Variants in HTR7 observed in about 807,000 individuals in gnomAD.
HTR7 encodes the protein 5-HT-7.
Under a neutral mutation model 34.0 loss-of-function variants are expected in HTR7, and 16 were observed. The ratio of observed to expected loss-of-function variants is 0.47; its 90% CI spans 0.32 to 0.71. HTR7 has a LOEUF of 0.71. HTR7 is among the 30% of genes least tolerant of loss of function. The pLI is 0.04. For missense variants in HTR7, 504 were observed against 625.5 expected (o/e 0.81, Z 2.07); for synonymous variants, 265 against 260.2 (o/e 1.02, Z -0.18).
intron 1 of HTR7, among the ~76,000 whole-genome samples, chr10:90,767,498 A>T: frequency 6.6e-6 from 1 of 152,164 alleles, no homozygotes; most frequent in South Asian, 2.1e-4. Flanking sequence ...ATAATCTCCC[A>T]ATGAGCTGTG....
chr10:90,798,980 G>A (rs531919616), intron 1 of HTR7, among the ~76,000 whole-genome samples: 38 of 152,274 alleles, frequency 2.5e-4, no homozygotes, highest in African/African-American at 9.1e-4. Flanking sequence ...TCATGTAGCT[G>A]GAAGCTACAA....
At chr10:90,744,641 T>C (rs1278941903) in intron 2 of HTR7, among the ~76,000 whole-genome samples, 2 of 151,984 alleles carry the variant, frequency 1.3e-5, no homozygotes, top group South Asian at 2.1e-4. Flanking sequence ...CCCTGGCCTC[T>C]ACCCAGTAGA....
At chr10:90,787,209 G>A (rs779089696) in intron 1 of HTR7, among the ~76,000 whole-genome samples, 2 of 152,146 alleles carry the variant, frequency 1.3e-5, no homozygotes, top group Admixed American at 6.5e-5. Context: ...AAGACAAACC[G>A]CTGGGCACAG....
intron 1 of HTR7, among the ~76,000 whole-genome samples, chr10:90,755,750 A>G (rs1177888466): frequency 6.6e-6 from 1 of 152,218 alleles, no homozygotes; most frequent in African/African-American, 2.4e-5. Context: ...ATATGAAACA[A>G]TTGTGATTCT....
intron 1 of HTR7, among the ~76,000 whole-genome samples, chr10:90,809,525 A>G (rs1451850022): frequency 6.6e-6 from 1 of 152,182 alleles, no homozygotes; most frequent in East Asian, 1.9e-4. Context: ...CAAACCCCAC[A>G]ACGGGATTAA....
rs1239866420 is a variant in HTR7 at position 90,857,608 on chromosome 10, G to A, written c.64C>T (p.Pro22Ser). 1.3e-6 allele frequency: 2 copies of A among 1,599,686 alleles called. No individual in the cohort carries two copies. The highest frequency in any genetic ancestry group is 3.4e-5 in the Admixed American group (2 of 58,626). Residue 22 changes from proline (P) to serine (S), a missense_variant, in exon 1 of 4, where the codon CCA (proline) becomes TCA (serine). Coordinates refer to ENST00000336152, the MANE Select transcript of HTR7 (RefSeq NM_019859.4). The surrounding 1 kb of genome is among the most constrained non-coding windows in gnomAD (Gnocchi z 6.5). ...TCGGGCAGCCCGCGCCCCACTTCTG[G>A]CAGAAGGAAAGAGCGGAGGTGCCCG... The part of the protein sequence containing the change: ...LYGHLRSFLL[P>S]EVGRGLPDLS...
rs181552006 is a variant in HTR7, at chr10:90,767,588, G to A, written c.540-17994C>T. Among the ~76,000 whole-genome samples the A allele has an allele frequency of 7.2e-5, 11 of 152,170 alleles. No individual in the cohort carries two copies. The East Asian group carries it at 2.1e-3, about 30-fold the overall frequency. On this transcript the variant is annotated intron_variant, in intron 1 of 3. Coordinates refer to ENST00000336152, the MANE Select transcript of HTR7 (RefSeq NM_019859.4). ...TTCTCCTTCTCTTTATTCTGGGCTG[G>A]CCTTGTGACTTGTTTTTACCAACAG...
chr10:90,830,131 CCCA>C (rs1370632689), intron 1 of HTR7, among the ~76,000 whole-genome samples: 1 of 152,146 alleles, frequency 6.6e-6, no homozygotes, highest in Non-Finnish European at 1.5e-5. Flanking sequence ...TGCCAGTATA[CCCA>C]CCAATAGCGA....
intron 1 of HTR7, among the ~76,000 whole-genome samples, chr10:90,759,945 G>T (rs1180962673): frequency 6.6e-6 from 1 of 152,116 alleles, no homozygotes; most frequent in African/African-American, 2.4e-5. Context: ...CCAACCTCCT[G>T]ATGGCTTTCA....
chr10:90,809,655 C>T lies in HTR7; in HGVS notation c.539+47478G>A, dbSNP rs189201803. 9.8e-5 allele frequency among the ~76,000 whole-genome samples: 15 copies of T among 152,330 alleles called. No individual in the cohort carries two copies. In the East Asian group the frequency reaches 1.7e-3, roughly 18 times the overall value. Reference sequence around the variant, plus strand: ...GAACTTCCAAATGCCTGAACCGCAGCGGCCAGGCGTTCCTCCAGAACCTCC... The same window carrying T: ...GAACTTCCAAATGCCTGAACCGCAGTGGCCAGGCGTTCCTCCAGAACCTCC... On this transcript the variant is annotated intron_variant, in intron 1 of 3. Transcript: ENST00000336152.
At chr10:90,855,336 A>G (rs1460198226) in intron 1 of HTR7, among the ~76,000 whole-genome samples, 3 of 152,254 alleles carry the variant, frequency 2.0e-5, no homozygotes, top group Admixed American at 6.5e-5. Context: ...TAGCTCATGT[A>G]TAGGAATCAC....
chr10:90,839,259 T>C (rs982850043), intron 1 of HTR7, among the ~76,000 whole-genome samples: 1 of 152,248 alleles, frequency 6.6e-6, no homozygotes, highest in African/African-American at 2.4e-5. Context: ...CTACTGAAAA[T>C]AGCAGAGACT....
At chr10:90,795,139 A>G (rs1476772740) in intron 1 of HTR7, among the ~76,000 whole-genome samples, 2 of 152,210 alleles carry the variant, frequency 1.3e-5, no homozygotes, top group Non-Finnish European at 2.9e-5. Flanking sequence ...ATATCTCATC[A>G]ACATACTGAT....
intron 1 of HTR7, among the ~76,000 whole-genome samples, chr10:90,832,186 C>G (rs1382105321): frequency 6.6e-6 from 1 of 152,196 alleles, no homozygotes; most frequent in East Asian, 1.9e-4. Context: ...CACTCCTCAG[C>G]CCTTGGGTGG....
rs560471803 is a variant in HTR7, at chr10:90,822,147, T to C, written c.539+34986A>G. Among the ~76,000 whole-genome samples the C allele has an allele frequency of 3.9e-5, 6 of 152,224 alleles. No homozygotes were observed. The South Asian group carries it at 1.2e-3, about 32-fold the overall frequency. On this transcript the variant is annotated intron_variant, in intron 1 of 3. Coordinates refer to ENST00000336152, the MANE Select transcript of HTR7 (RefSeq NM_019859.4). ...GGTAATAGGCAGAGTTTAGAACAGT[T>C]TGAAGGGATCAGAAGAAGACAGAAA...
At chr10:90,810,270 C>T (rs1845784273) in intron 1 of HTR7, among the ~76,000 whole-genome samples, 1 of 152,126 alleles carries the variant, frequency 6.6e-6, no homozygotes. Flanking sequence ...TCCCCCACTT[C>T]AAAGCCTCCT....
intron 1 of HTR7, among the ~76,000 whole-genome samples, chr10:90,838,140 C>T (rs955961834): frequency 6.6e-6 from 1 of 152,176 alleles, no homozygotes; most frequent in African/African-American, 2.4e-5. Context: ...GTCCTGACTT[C>T]TCTCTGGAAT....
At chr10:90,744,478 C>T (rs911810035) in intron 2 of HTR7, among the ~76,000 whole-genome samples, 12 of 150,352 alleles carry the variant, frequency 8.0e-5, no homozygotes, top group African/African-American at 2.7e-4. Context: ...GACTCCATTC[C>T]CCTACTTGCA....
At position 90,742,484 on chromosome 10, in the gene HTR7, A is replaced by C. The variant is rs746800909; in HGVS notation, c.1438T>G (p.Ter480GlyextTer13). ...TVEKKVMIHD[*>G] ...ATTTCATCTCCATTGTTCTGCTTTC[A>C]ATCATGAATCATGACCTTTTTTTCT... The change falls in exon 4 of 4, where the codon TGA (stop) becomes GGA (glycine). Residue 480 changes from the stop codon to glycine (G), a stop_lost. Coordinates refer to ENST00000336152, the MANE Select transcript of HTR7 (RefSeq NM_019859.4). The C allele has an allele frequency of 6.2e-7, 1 of 1,600,878 alleles. No homozygotes were observed. The highest frequency in any genetic ancestry group is 8.5e-7 in the Non-Finnish European group (1 of 1,174,212).
Sources: gnomAD v4.1 joint callset for allele counts (sites outside exome capture counted in the v4.1 genomes callset) on GRCh38, gnomAD v4.1.1 for gene constraint, Gnocchi (gnomAD v3.1) non-coding constraint, MANE v1.5 for transcripts, NCBI Gene and HGNC (gene_info 2026-07-23, HGNC 2026-07-21) for gene names.